Variants in NEMF observed in about 807,000 individuals in gnomAD.
NEMF encodes ribosome quality control complex subunit NEMF.
Under a neutral mutation model 162.2 loss-of-function variants are expected in NEMF, and 89 were observed. That is an observed-to-expected ratio of 0.55 (90% CI 0.46 to 0.65). The LOEUF is 0.65. Ranked by LOEUF, NEMF falls within the 30% of genes least tolerant of loss-of-function variation. NEMF has a pLI of 0.00. For missense variants in NEMF, 1,133 were observed against 1,261.9 expected, an observed-to-expected ratio of 0.90 and a Z score of 1.55; for synonymous variants, 421 against 404.5, an observed-to-expected ratio of 1.04 and a Z score of -0.49.
chr14:49,831,445 T>C lies in NEMF; in HGVS notation c.883-84A>G, dbSNP rs7492811. On this transcript the variant is annotated intron_variant, in intron 10 of 32. Coordinates refer to ENST00000298310, the MANE Select transcript of NEMF (RefSeq NM_004713.6). ...CATACACAGAATTTTATTTTTTTTT[T>C]CTTTTTTTTTGAGACAGAGTCTCAC... is the stretch of plus-strand genomic sequence containing the variant. 1.2e-3 allele frequency: 747 copies of C among 646,402 alleles called. 1 individual carries two copies. The highest frequency in any genetic ancestry group is 2.7e-3 in the East Asian group (70 of 26,150). The allele number at this position is 646,402 out of a possible 1,614,324, so 40.0% of individuals were successfully genotyped here.
chr14:49,831,404 T>C (rs747826914), intron 10 of NEMF, 43 bp from the exon 11 acceptor site: 1 of 1,150,046 alleles, frequency 8.7e-7, no homozygotes, highest in Admixed American at 1.9e-5. Flanking sequence ...AAAAGCACAG[T>C]CTCTACTTCA....
intron 22 of NEMF, among the ~76,000 whole-genome samples, chr14:49,801,910 T>C (rs979493363): frequency 6.6e-6 from 1 of 152,134 alleles, no homozygotes; most frequent in Non-Finnish European, 1.5e-5. Flanking sequence ...AGTCTCACTA[T>C]ATAAACATAC....
chr14:49,834,323 A>G, intron 7 of NEMF, 40 bp downstream of exon 7: 1 of 1,422,122 alleles, frequency 7.0e-7, no homozygotes, highest in Non-Finnish European at 9.8e-7. Context: ...CATAGTTTAA[A>G]AAAAATGAAA....
At chr14:49,826,086 A>C in intron 15 of NEMF, 131 bp from the exon 16 acceptor site, 1 of 571,374 alleles carries the variant, frequency 1.8e-6, no homozygotes, top group South Asian at 2.4e-5. Context: ...ACACAAACAC[A>C]CACACACACA....
At chr14:49,784,884 A>G in intron 32 of NEMF, 41 bp downstream of exon 32, 2 of 1,530,106 alleles carry the variant, frequency 1.3e-6, no homozygotes, top group Non-Finnish European at 1.8e-6. Context: ...TTTAAATTGT[A>G]CTGTCAGTCT....
At chr14:49,840,667 C>CCAGT (rs772950185) in intron 5 of NEMF, 51 bp downstream of exon 5, 1 of 1,522,164 alleles carries the variant, frequency 6.6e-7, no homozygotes, top group Non-Finnish European at 8.9e-7. Flanking sequence ...ATTATGTTGC[C>CCAGT]CAGTACATTT....
chr14:49,805,026 T>C (rs1446387334), intron 19 of NEMF, among the ~76,000 whole-genome samples: 2 of 152,112 alleles, frequency 1.3e-5, no homozygotes, highest in African/African-American at 4.8e-5. Flanking sequence ...CAAGACTCCA[T>C]CTCAAAACGA....
chr14:49,826,298 G>A (rs901525050), intron 15 of NEMF, among the ~76,000 whole-genome samples: 1 of 152,068 alleles, frequency 6.6e-6, no homozygotes, highest in South Asian at 2.1e-4. Context: ...GAGTGAACAA[G>A]ATGGACAAAG....
intron 22 of NEMF, chr14:49,801,382 G>A (rs1251979851): frequency 1.3e-5 from 2 of 152,168 alleles, no homozygotes; most frequent in Non-Finnish European, 2.9e-5. Flanking sequence ...TAGCTACTCG[G>A]GAGGCTGAGG....
At chr14:49,826,065 TACACACACACACACAAAC>T (rs1704711947) in intron 15 of NEMF, 110 bp from the exon 16 acceptor site, 1 of 626,946 alleles carries the variant, frequency 1.6e-6, no homozygotes, top group Non-Finnish European at 2.8e-6. Context: ...TGGCACAATC[TACACACACACACACAAAC>T]ACACACACAC....
chr14:49,845,834 T>G (rs1257239798), intron 4 of NEMF: 1 of 431,628 alleles, frequency 2.3e-6, no homozygotes, highest in Non-Finnish European at 4.1e-6. Context: ...CATGACCGTA[T>G]TTGACTATTT....
rs1891611817 is a variant in NEMF, at chr14:49,814,122, T to C, written c.1682-72A>G. The C allele has an allele frequency of 6.6e-6, 6 of 915,790 alleles. No homozygotes were observed. In the East Asian group the frequency reaches 1.3e-4, roughly 19 times the overall value. 56.7% of individuals were successfully genotyped at this position (915,790 alleles called of 1,614,324 possible). A position where few individuals can be genotyped will look rare whatever the true frequency, so the allele number is the denominator to read the frequency against. On this transcript the variant is annotated intron_variant, in intron 17 of 32. Coordinates refer to ENST00000298310, the MANE Select transcript of NEMF (RefSeq NM_004713.6). Reference sequence around the variant, plus strand: ...CTTTTTTCCTTTTTTTTTTTTCAGATGGAGTCTCGCTCTGTCGCCCAGGCT... The same window carrying C: ...CTTTTTTCCTTTTTTTTTTTTCAGACGGAGTCTCGCTCTGTCGCCCAGGCT...
Position 49,828,640 on chromosome 14 carries a change from A to G in NEMF, c.1400T>C (p.Leu467Ser), listed in dbSNP as rs778737901. 1.3e-6 allele frequency: 2 copies of G among 1,579,504 alleles called. No individual in the cohort carries two copies. ...CTTTTTGGCATTGGCATATGCTGAC[A>G]AGCTGAGATCAACATCTACAAGTAA... ...KPLLVDVDLSLSAYANAKKYY... is the reference protein window; with the variant it reads ...KPLLVDVDLSSSAYANAKKYY... Residue 467 changes from leucine (L) to serine (S), a missense_variant, in exon 14 of 33, where the codon TTG (leucine) becomes TCG (serine). This residue lies in a region of NEMF where 582 missense variants were observed against 631.5 expected (regional missense o/e 0.92). Transcript: ENST00000298310.
intron 5 of NEMF, among the ~76,000 whole-genome samples, chr14:49,839,064 T>C (rs953594884): frequency 4.2e-5 from 2 of 47,670 alleles, no homozygotes; most frequent in Admixed American, 1.6e-4. Context: ...CTGAAGCATG[T>C]TAATTTTTTT....
Position 49,789,580 on chromosome 14 carries a change from A to G in NEMF, c.2620-7T>C. The G allele has an allele frequency of 1.2e-6, 2 of 1,605,214 alleles. No individual in the cohort carries two copies. Among genetic ancestry groups the G allele is most frequent in the Non-Finnish European group, 1.7e-6 (2 of 1,178,140 alleles). On this transcript the variant is annotated splice_region_variant and splice_polypyrimidine_tract_variant and intron_variant, in intron 26 of 32. Coordinates refer to ENST00000298310, the MANE Select transcript of NEMF (RefSeq NM_004713.6). Reference sequence around the variant, plus strand: ...TCATTTTTTTCATTTTACTCTACAAAATCAGAAGATTTTGGTTGGAAATAT... The same window carrying G: ...TCATTTTTTTCATTTTACTCTACAAGATCAGAAGATTTTGGTTGGAAATAT...
At position 49,829,047 on chromosome 14, in the gene NEMF, A is replaced by G. The variant is rs1369696286; in HGVS notation, c.1232+7T>C. Reference sequence around the variant, plus strand: ...GCATTAACTGCTTGACTAAGAGTCAAACTTACCTTAGCAGCATTGTAACAT... The same window carrying G: ...GCATTAACTGCTTGACTAAGAGTCAGACTTACCTTAGCAGCATTGTAACAT... On this transcript the variant is annotated splice_region_variant and intron_variant, in intron 13 of 32. Transcript: ENST00000298310. 10 of 1,612,144 alleles carry G rather than the reference A, an allele frequency of 6.2e-6. No homozygotes were observed. Among genetic ancestry groups the G allele is most frequent in the Non-Finnish European group, 8.5e-6 (10 of 1,178,298 alleles).
Position 49,798,396 on chromosome 14 carries a change from C to T in NEMF, c.2465+1079G>A, listed in dbSNP as rs548255364. Among the ~76,000 whole-genome samples, 8 of 152,118 alleles carry T rather than the reference C, an allele frequency of 5.3e-5. No individual in the cohort carries two copies. In the East Asian group the frequency reaches 1.2e-3, roughly 22 times the overall value. ...AAATTGGGTAAATAATTATCTTGCT[C>T]GCTTTCATTCATCTTTCTTAAATAT... On this transcript the variant is annotated intron_variant, in intron 25 of 32. Transcript: ENST00000298310.
chr14:49,805,980 GC>G (rs749999149), intron 19 of NEMF, 40 bp downstream of exon 19: 21 of 1,418,608 alleles, frequency 1.5e-5, no homozygotes, highest in Non-Finnish European at 1.3e-5. Flanking sequence ...GCACACAGTA[GC>G]TCTTAGTAAA....
chr14:49,834,022 T>A (rs77333291), intron 7 of NEMF: 5 of 412,064 alleles, frequency 1.2e-5, no homozygotes, highest in Admixed American at 3.2e-5. Context: ...ACTGATTTAG[T>A]ATATTGCAGA....
Sources: allele counts gnomAD v4.1 joint callset (sites outside exome capture counted in the v4.1 genomes callset), GRCh38; gene constraint gnomAD v4.1.1; regional missense constraint gnomAD v4.1.1; transcripts MANE v1.5; gene names NCBI Gene and HGNC (gene_info 2026-07-23, HGNC 2026-07-21).